The following PLCH2 variants were observed in gnomAD, a reference collection of about 807,000 sequenced individuals.
The protein encoded by PLCH2 is phospholipase C eta 2.
A neutral mutation model predicts 134.7 loss-of-function variants in PLCH2; 98 were observed. That is an observed-to-expected ratio of 0.73 (90% confidence interval 0.62 to 0.86). The LOEUF is 0.86. PLCH2 is among the 40% of genes least tolerant of loss of function. The pLI, the probability that PLCH2 is intolerant of heterozygous loss-of-function variation, is 0.00. For synonymous variants in PLCH2, 974 were observed against 827.5 expected (o/e 1.18, Z -3.04); for missense variants, 1,994 against 1,986.6 (o/e 1.00, Z -0.07).
intron 2 of PLCH2, among the ~76,000 whole-genome samples, chr1:2,436,360 C>CTCCACCTT (rs1222079907): frequency 3.6e-4 from 18 of 50,006 alleles, no homozygotes; most frequent in Non-Finnish European, 5.9e-4. Context: ...CCCTTCCTCC[C>CTCCACCTT]TCCTCCCTTC....
chr1:2,478,668 G>C (rs1323650483), intron 2 of PLCH2, 46 bp downstream of exon 2: 1 of 1,556,564 alleles, frequency 6.4e-7, no homozygotes, highest in African/African-American at 1.4e-5. Context: ...TCCCTGGGGG[G>C]ACACGACGGT....
Position 2,484,479 on chromosome 1 carries a change from TG to T in PLCH2, c.680del (p.Gly227ValfsTer11). The T allele has an allele frequency of 6.2e-7, 1 of 1,613,250 alleles. No homozygotes were observed. The highest frequency in any genetic ancestry group is 8.5e-7 in the Non-Finnish European group (1 of 1,179,736). On this transcript the variant is annotated frameshift_variant, in exon 5 of 22. Coordinates refer to ENST00000378486, the MANE Select transcript of PLCH2 (RefSeq NM_014638.4). LOFTEE classifies it high-confidence loss of function. ...GACACGGATGACCACCAAGGGACGC[TG>T]GGTTTTGAAGAGTTCTGTGCCTTCT... ...EADTDDHQGT[L>X]GFEEFCAFYK...
intron 19 of PLCH2, 49 bp downstream of exon 19, chr1:2,499,279 G>T: frequency 6.3e-7 from 1 of 1,599,810 alleles, no homozygotes; most frequent in South Asian, 1.1e-5. Flanking sequence ...AGGGCCCCAG[G>T]GCAGGGCAGG....
intron 2 of PLCH2, among the ~76,000 whole-genome samples, chr1:2,453,217 C>T (rs533676037): frequency 2.6e-5 from 4 of 152,310 alleles, no homozygotes; most frequent in East Asian, 1.9e-4. Flanking sequence ...CCCCCGACAG[C>T]GCCAGTGCCC....
At chr1:2,463,206 C>T (rs1640905773), upstream of PLCH2, among the ~76,000 whole-genome samples, 1 of 152,150 alleles carries the variant, frequency 6.6e-6, no homozygotes, top group African/African-American at 2.4e-5. Flanking sequence ...TGTGGACCAG[C>T]CCCGGAGGGG....
upstream of PLCH2, among the ~76,000 whole-genome samples, chr1:2,473,872 G>A (rs1271611683): frequency 2.6e-5 from 4 of 152,362 alleles, no homozygotes; most frequent in East Asian, 3.9e-4. Context: ...GGCCTCTGGT[G>A]TGGGCCCACA....
intron 2 of PLCH2, 65 bp from the exon 3 acceptor site, chr1:2,479,669 G>A (rs1162624443): frequency 2.7e-6 from 4 of 1,486,930 alleles, no homozygotes; most frequent in Non-Finnish European, 2.7e-6. Flanking sequence ...CGCAGTGTTG[G>A]GGCTGCCAGC....
intron 1 of PLCH2, among the ~76,000 whole-genome samples, chr1:2,470,497 C>G (rs1192813160): frequency 6.6e-6 from 1 of 152,230 alleles, no homozygotes; most frequent in Non-Finnish European, 1.5e-5. Flanking sequence ...TCTGGCAGAG[C>G]ATTCGTGGGG....
intron 2 of PLCH2, among the ~76,000 whole-genome samples, chr1:2,457,290 C>T (rs922783738): frequency 6.6e-6 from 1 of 152,156 alleles, no homozygotes; most frequent in Non-Finnish European, 1.5e-5. Context: ...TCAGTGGGGA[C>T]CTCTCCTACC....
Position 2,487,074 on chromosome 1 carries a change from G to A in PLCH2, c.910+74G>A, listed in dbSNP as rs552099963. The A allele has an allele frequency of 4.0e-4, 597 of 1,502,068 alleles. 1 individual carries two copies. In the African/African-American group the frequency reaches 6.2e-3, roughly 16 times the overall value. 93.0% of individuals were successfully genotyped at this position (1,502,068 alleles called of 1,614,324 possible). On this transcript the variant is annotated intron_variant, in intron 6 of 21. Transcript: ENST00000378486. Reference sequence around the variant, plus strand: ...GCAACGAGGGCCCAACCTGTGGGCCGGGACAGGTGTTCTGTGTTCTGTGTG... The same window carrying A: ...GCAACGAGGGCCCAACCTGTGGGCCAGGACAGGTGTTCTGTGTTCTGTGTG...
intron 1 of PLCH2, 151 bp from the exon 2 acceptor site, chr1:2,478,325 G>A (rs1316080997): frequency 7.5e-6 from 7 of 938,780 alleles, no homozygotes; most frequent in African/African-American, 3.3e-5. Flanking sequence ...AGGGCGGTGT[G>A]GGCGGGGCCG....
the PLCH2 span, among the ~76,000 whole-genome samples, chr1:2,417,593 A>G: frequency 5.5e-4 from 84 of 152,292 alleles, no homozygotes; most frequent in Middle Eastern, 0.02. Context: ...GGGCATCTGG[A>G]TGGGCTGTGG....
chr1:2,479,488 C>T, intron 2 of PLCH2: 2 of 467,628 alleles, frequency 4.3e-6, no homozygotes, highest in Non-Finnish European at 3.9e-6. Flanking sequence ...GATGCTCTCC[C>T]TCGTGGGGGC....
At chr1:2,461,135 C>T (rs1275393551) in intron 2 of PLCH2, among the ~76,000 whole-genome samples, 2 of 152,248 alleles carry the variant, frequency 1.3e-5, no homozygotes, top group Non-Finnish European at 2.9e-5. Flanking sequence ...AGTGTTCGTC[C>T]TGCAATCCTG....
chr1:2,421,057 G>C (rs1463869017), upstream of PLCH2, among the ~76,000 whole-genome samples: 3 of 150,948 alleles, frequency 2.0e-5, no homozygotes, highest in Non-Finnish European at 4.4e-5. Context: ...CGATTTTCCT[G>C]CCTCAGCCTC....
intron 1 of PLCH2, chr1:2,430,201 G>T (rs2494437): frequency 0.63 from 95,394 of 152,230 alleles, 30,113 homozygotes; most frequent in East Asian, 0.75. Flanking sequence ...ACCTATGAGG[G>T]GCAGTGAAGC....
At chr1:2,497,877 T>G (rs972366740) in intron 16 of PLCH2, 5 of 436,746 alleles carry the variant, frequency 1.1e-5, no homozygotes, top group Non-Finnish European at 8.3e-6. Flanking sequence ...CCACATGAGA[T>G]TCATGGCAGG....
Position 2,444,382 on chromosome 1 carries a change from A to T in PLCH2, c.115+13753A>T, listed in dbSNP as rs907251537. Among the ~76,000 whole-genome samples the T allele has an allele frequency of 2.6e-5, 4 of 152,158 alleles. No homozygotes were observed. The highest frequency in any genetic ancestry group is 2.6e-4 in the Admixed American group (4 of 15,284). ...GTGCTGCGTGGACTTGCCGCATGGCACATCTGCCTGGGCTGCAGGTGCTCA... is the reference window on the plus strand; with the variant it reads ...GTGCTGCGTGGACTTGCCGCATGGCTCATCTGCCTGGGCTGCAGGTGCTCA... On this transcript the variant is annotated intron_variant, in intron 2 of 3. Transcript: ENST00000609981. This position sits in a 1 kb window ranked among gnomAD's most constrained non-coding sequence, Gnocchi z 4.6.
At chr1:2,483,924 G>GGCGCTGACTCCCGTGTGGGGT (rs1642140929) in intron 4 of PLCH2, among the ~76,000 whole-genome samples, 2 of 39,968 alleles carry the variant, frequency 5.0e-5, no homozygotes, top group Non-Finnish European at 1.1e-4. Context: ...CCGTGTGGGG[G>GGCGCTGACTCCCGTGTGGGGT]GGCGCTGACT....
Sources: gnomAD v4.1 joint callset for allele counts (sites outside exome capture counted in the v4.1 genomes callset) on GRCh38, gnomAD v4.1.1 for gene constraint, Gnocchi (gnomAD v3.1) non-coding constraint, MANE v1.5 for transcripts, NCBI Gene and HGNC (gene_info 2026-07-23, HGNC 2026-07-21) for gene names.